The following GRIA1 variants were observed in gnomAD, a reference collection of about 807,000 sequenced individuals.
GRIA1 encodes the protein glutamate receptor 1.
Under a neutral mutation model 99.2 loss-of-function variants are expected in GRIA1, and 31 were observed. That is an observed-to-expected ratio of 0.31 (90% CI 0.23 to 0.42). GRIA1 has a LOEUF of 0.42. Among genes scored for constraint, GRIA1 ranks in the 10% least tolerant of loss-of-function variants. The pLI is 1.00. For missense variants in GRIA1, 782 were observed against 1,157.5 expected (o/e 0.68, Z 4.71); for synonymous variants, 438 against 432.4 (o/e 1.01, Z -0.16).
At chr5:153,740,691 G>C (rs1162482923) in intron 11 of GRIA1, among the ~76,000 whole-genome samples, 1 of 152,168 alleles carries the variant, frequency 6.6e-6, no homozygotes, top group Non-Finnish European at 1.5e-5. Context: ...CAAAATTGCT[G>C]GTCCATTTCC....
At chr5:153,592,959 G>T (rs569650046) in intron 2 of GRIA1, among the ~76,000 whole-genome samples, 1 of 152,022 alleles carries the variant, frequency 6.6e-6, no homozygotes, top group African/African-American at 2.4e-5. Context: ...CTCCACCCTC[G>T]TGACCTCTTC....
At chr5:153,746,095 C>A (rs560349195) in intron 11 of GRIA1, among the ~76,000 whole-genome samples, 2 of 152,276 alleles carry the variant, frequency 1.3e-5, no homozygotes, top group Admixed American at 1.3e-4. Flanking sequence ...TAACAAATGG[C>A]AGGGGGCAGG....
At chr5:153,694,974 A>T (rs1409693848) in intron 8 of GRIA1, among the ~76,000 whole-genome samples, 2 of 150,818 alleles carry the variant, frequency 1.3e-5, no homozygotes, top group African/African-American at 4.9e-5. Flanking sequence ...AACAAGAAGG[A>T]GGAGAAAGGG....
chr5:153,615,189 G>A (rs1011223295), intron 2 of GRIA1, among the ~76,000 whole-genome samples: 3 of 152,074 alleles, frequency 2.0e-5, no homozygotes, highest in Non-Finnish European at 2.9e-5. Context: ...GTAATTAATG[G>A]GAAATGAACA....
At chr5:153,705,455 A>T (rs1275863693) in intron 10 of GRIA1, among the ~76,000 whole-genome samples, 1 of 152,180 alleles carries the variant, frequency 6.6e-6, no homozygotes, top group African/African-American at 2.4e-5. Flanking sequence ...TATGAGGAAG[A>T]TGCCTCTAAC....
At chr5:153,650,756 C>T (rs1269498584) in intron 4 of GRIA1, among the ~76,000 whole-genome samples, 2 of 120,950 alleles carry the variant, frequency 1.7e-5, no homozygotes, top group Non-Finnish European at 3.8e-5. Context: ...ATGTATCCCT[C>T]TATTGTTTAA....
intron 12 of GRIA1, among the ~76,000 whole-genome samples, chr5:153,766,802 A>G (rs1432173358): frequency 6.6e-6 from 1 of 152,204 alleles, no homozygotes; most frequent in African/African-American, 2.4e-5. Context: ...GCCCTACCTA[A>G]TGAGAGGCAC....
At chr5:153,724,924 C>A (rs1323274527) in intron 11 of GRIA1, among the ~76,000 whole-genome samples, 1 of 152,130 alleles carries the variant, frequency 6.6e-6, no homozygotes, top group African/African-American at 2.4e-5. Context: ...TCGAGAAGAG[C>A]AACTCCAAGA....
chr5:153,672,046 T>TA (rs1444451491), intron 5 of GRIA1, among the ~76,000 whole-genome samples: 1 of 152,114 alleles, frequency 6.6e-6, no homozygotes, highest in Non-Finnish European at 1.5e-5. Flanking sequence ...GTGCCAATCC[T>TA]AAAAAACCAG....
chr5:153,733,599 A>G (rs1025208179), intron 11 of GRIA1, among the ~76,000 whole-genome samples: 1 of 152,162 alleles, frequency 6.6e-6, no homozygotes, highest in Non-Finnish European at 1.5e-5. Context: ...ACCCAACTAC[A>G]TGCTGCCTAT....
intron 13 of GRIA1, among the ~76,000 whole-genome samples, chr5:153,783,770 G>T (rs1416699472): frequency 6.6e-6 from 1 of 152,218 alleles, no homozygotes; most frequent in African/African-American, 2.4e-5. Context: ...AGTGTGCAGG[G>T]TTCCTGCCAA....
chr5:153,505,802 G>T (rs518370), intron 2 of GRIA1, among the ~76,000 whole-genome samples: 115,601 of 151,818 alleles, frequency 0.76, 44,522 homozygotes, highest in African/African-American at 0.87. Context: ...AAAATATATA[G>T]AGAGAGATCA....
intron 5 of GRIA1, among the ~76,000 whole-genome samples, chr5:153,660,033 G>A (rs1319302837): frequency 6.6e-6 from 1 of 152,146 alleles, no homozygotes; most frequent in Non-Finnish European, 1.5e-5. Flanking sequence ...AAACAAGGTG[G>A]AATTCATCAT....
chr5:153,596,461 G>A (rs571441266), intron 2 of GRIA1, among the ~76,000 whole-genome samples: 1 of 152,302 alleles, frequency 6.6e-6, no homozygotes, highest in South Asian at 2.1e-4. Context: ...GCAGGCCTGT[G>A]AAAGAGGCAG....
intron 11 of GRIA1, among the ~76,000 whole-genome samples, chr5:153,737,055 G>A (rs1761425919): frequency 6.6e-6 from 1 of 152,164 alleles, no homozygotes; most frequent in Non-Finnish European, 1.5e-5. Flanking sequence ...ATTAAGATCA[G>A]GGATGTATTG....
At chr5:153,801,997 T>C (rs1043721529) in intron 14 of GRIA1, among the ~76,000 whole-genome samples, 1 of 150,546 alleles carries the variant, frequency 6.6e-6, no homozygotes, top group Non-Finnish European at 1.5e-5. Flanking sequence ...GGAAGGGACA[T>C]GGTTTTTTGA....
chr5:153,784,980 G>A (rs1764882825), intron 13 of GRIA1, among the ~76,000 whole-genome samples: 1 of 152,086 alleles, frequency 6.6e-6, no homozygotes, highest in Non-Finnish European at 1.5e-5. Context: ...CCCAGCAAAA[G>A]AACCCCGGCT....
intron 7 of GRIA1, among the ~76,000 whole-genome samples, chr5:153,681,065 A>G (rs925967960): frequency 8.5e-5 from 13 of 152,224 alleles, no homozygotes; most frequent in African/African-American, 3.1e-4. Context: ...TGTAGGCTGC[A>G]CACGAAGTAC....
chr5:153,546,340 C>T (rs750932189), intron 2 of GRIA1, among the ~76,000 whole-genome samples: 3 of 152,154 alleles, frequency 2.0e-5, no homozygotes, highest in Non-Finnish European at 4.4e-5. Context: ...AGTTGTAACA[C>T]AGATTATGCA....
Sources: gnomAD v4.1 joint callset for allele counts (sites outside exome capture counted in the v4.1 genomes callset) on GRCh38, gnomAD v4.1.1 for gene constraint, MANE v1.5 for transcripts, NCBI Gene and HGNC (gene_info 2026-07-23, HGNC 2026-07-21) for gene names.